ENTPD7: variants seen among roughly 807,000 people sequenced by gnomAD.
ENTPD7 encodes NTPDase 7.
In ENTPD7, 53 loss-of-function variants were observed where a neutral mutation model predicts 77.9. That is an observed-to-expected ratio of 0.68 (90% CI 0.55 to 0.85). The LOEUF (loss-of-function observed/expected upper bound fraction) is 0.85. Among genes scored for constraint, ENTPD7 ranks in the 40% least tolerant of loss-of-function variants. The probability of loss-of-function intolerance (pLI) is 0.00; values close to 1 mark genes in which losing one functional copy is unlikely to be tolerated. For synonymous variants in ENTPD7, 248 were observed against 274.9 expected (o/e 0.90, Z 0.97); for missense variants, 636 against 743.7 (o/e 0.86, Z 1.68).
At chr10:99,666,028 A>G (rs2035546018) in intron 3 of ENTPD7, among the ~76,000 whole-genome samples, 5 of 152,090 alleles carry the variant, frequency 3.3e-5, no homozygotes, top group African/African-American at 7.2e-5. Context: ...CTAATTATGG[A>G]CTTCCATGTA....
Position 99,661,427 on chromosome 10 carries a change from A to T in ENTPD7, c.9-19A>T, listed in dbSNP as rs778722422. 1.3e-6 allele frequency: 2 copies of T among 1,578,876 alleles called. No individual in the cohort carries two copies. The highest frequency in any genetic ancestry group is 4.6e-5 in the East Asian group (2 of 43,730). On this transcript the variant is annotated intron_variant, in intron 2 of 12. Coordinates refer to ENST00000370489, the MANE Select transcript of ENTPD7 (RefSeq NM_020354.5). ...GTTGTAGAAATGTTTCAGACTTACT[A>T]ATGTTTGTCTAATTTCAGGATCAGT... is the stretch of plus-strand genomic sequence containing the variant.
rs574310727 is a variant in ENTPD7 at position 99,663,967 on chromosome 10, C to CT, written c.191+2345dup. 1.2e-3 allele frequency among the ~76,000 whole-genome samples: 180 copies of CT among 151,856 alleles called. 1 individual carries two copies. Among genetic ancestry groups the CT allele is most frequent in the Non-Finnish European group, 2.1e-3 (140 of 67,924 alleles). On this transcript the variant is annotated intron_variant, in intron 3 of 12. Transcript: ENST00000370489. The stretch of plus-strand genomic sequence containing the variant: ...CACTGATGTTCATTTTTTTTCCAGT[C>CT]TTTTTTCTCTCTGTGTTTCATTCGT...
intron 4 of ENTPD7, 50 bp downstream of exon 4, chr10:99,679,516 A>G (rs1291979449): frequency 6.5e-7 from 1 of 1,537,040 alleles, no homozygotes; most frequent in Non-Finnish European, 8.7e-7. Context: ...GGCATGAAAG[A>G]GGAGACAAAA....
chr10:99,690,783 G>C (rs1282256845), intron 7 of ENTPD7, among the ~76,000 whole-genome samples: 1 of 151,834 alleles, frequency 6.6e-6, no homozygotes, highest in Non-Finnish European at 1.5e-5. Context: ...CTTGTGATCT[G>C]CCTGCCTCAG....
intron 12 of ENTPD7, 128 bp downstream of exon 12, chr10:99,702,801 C>T (rs564400345): frequency 5.2e-5 from 42 of 810,598 alleles, no homozygotes; most frequent in Non-Finnish European, 6.4e-5. Context: ...CTCTCTACCC[C>T]CTCACAAAAA....
chr10:99,672,946 T>C (rs2035634038), intron 3 of ENTPD7, among the ~76,000 whole-genome samples: 1 of 152,220 alleles, frequency 6.6e-6, no homozygotes, highest in Admixed American at 6.5e-5. Flanking sequence ...AATGGTTTGC[T>C]TAGTTACAGC....
At chr10:99,689,389 CT>C (rs1484622727) in intron 7 of ENTPD7, among the ~76,000 whole-genome samples, 1 of 152,132 alleles carries the variant, frequency 6.6e-6, no homozygotes, top group African/African-American at 2.4e-5. Context: ...CCTCACTCCC[CT>C]GCCTTTAAAA....
intron 2 of ENTPD7, 48 bp downstream of exon 2, chr10:99,660,012 C>A (rs1302121220): frequency 1.2e-6 from 2 of 1,613,382 alleles, no homozygotes; most frequent in East Asian, 4.5e-5. Context: ...CAGAGGATGG[C>A]AGGCAGGTTG....
intron 5 of ENTPD7, among the ~76,000 whole-genome samples, chr10:99,683,527 C>T (rs772698885): frequency 1.3e-5 from 2 of 152,150 alleles, no homozygotes; most frequent in Non-Finnish European, 2.9e-5. Context: ...GAGAACAGTG[C>T]AGTAAATCCC....
chr10:99,702,448 T>C, intron 11 of ENTPD7, 64 bp from the exon 12 acceptor site: 2 of 1,405,424 alleles, frequency 1.4e-6, no homozygotes, highest in African/African-American at 1.4e-5. Flanking sequence ...GAGTGGCTTA[T>C]TGCAAAGGAA....
At position 99,709,342 on chromosome 10, in the gene ENTPD7, T is replaced by C; in HGVS notation, c.*4659T>C. 1 of 985,402 alleles carries C rather than the reference T, an allele frequency of 1.0e-6. No homozygotes were observed. The allele number at this position is 985,402 out of a possible 1,614,324, so 61.0% of individuals were successfully genotyped here. A position where few individuals can be genotyped will look rare whatever the true frequency, so the allele number is the denominator to read the frequency against. The stretch of plus-strand genomic sequence containing the variant: ...CTGTGGTATGTGGTGTAATGTTGAT[T>C]GGGAATAAGAATTATGGTAGAAATA... On this transcript the variant is annotated 3_prime_UTR_variant, in exon 13 of 13. Transcript: ENST00000370489.
intron 9 of ENTPD7, among the ~76,000 whole-genome samples, chr10:99,696,681 A>T (rs2035987146): frequency 6.6e-6 from 1 of 152,206 alleles, no homozygotes; most frequent in African/African-American, 2.4e-5. Flanking sequence ...GTTAGACCTT[A>T]ATGTACAAAC....
intron 6 of ENTPD7, among the ~76,000 whole-genome samples, chr10:99,686,356 T>A (rs1438440549): frequency 6.6e-6 from 1 of 152,192 alleles, no homozygotes; most frequent in East Asian, 1.9e-4. Flanking sequence ...GTATTGATAA[T>A]TCCCTGGAAT....
At chr10:99,660,620 T>A (rs984941812) in intron 2 of ENTPD7, 6 of 228,310 alleles carry the variant, frequency 2.6e-5, no homozygotes, top group Non-Finnish European at 5.5e-5. Context: ...CCGTAGAATA[T>A]CCCTGGAAAG....
At chr10:99,676,155 A>G (rs2035678740) in intron 3 of ENTPD7, among the ~76,000 whole-genome samples, 1 of 152,194 alleles carries the variant, frequency 6.6e-6, no homozygotes, top group Non-Finnish European at 1.5e-5. Flanking sequence ...TTTGGCTACT[A>G]AAGATATTTG....
In ENTPD7 at chr10:99,709,778, T is replaced by C. The variant is rs1348443688; in HGVS notation, c.*5095T>C. The C allele has an allele frequency of 3.0e-6, 3 of 985,234 alleles. No homozygotes were observed. The highest frequency in any genetic ancestry group is 3.6e-6 in the Non-Finnish European group (3 of 829,862). The allele number at this position is 985,234 out of a possible 1,614,324, so 61.0% of individuals were successfully genotyped here. The stretch of plus-strand genomic sequence containing the variant: ...ATATCCTAATAGACTTCTCTTGTGT[T>C]ATTACACATTTCTCTTTTGCTCTAA... On this transcript the variant is annotated 3_prime_UTR_variant, in exon 13 of 13. Transcript: ENST00000370489.
chr10:99,669,342 T>C (rs1197602195), intron 3 of ENTPD7, among the ~76,000 whole-genome samples: 1 of 152,210 alleles, frequency 6.6e-6, no homozygotes, highest in Admixed American at 6.5e-5. Flanking sequence ...TGTGAACTTT[T>C]TATAGGCATT....
At chr10:99,688,539 A>G (rs1171164327) in intron 6 of ENTPD7, among the ~76,000 whole-genome samples, 155 bp from the exon 7 acceptor site, 1 of 152,256 alleles carries the variant, frequency 6.6e-6, no homozygotes, top group Non-Finnish European at 1.5e-5. Context: ...AAAAATCACA[A>G]GATGAAAGAT....
chr10:99,679,680 C>A (rs750398104), intron 4 of ENTPD7, 45 bp from the exon 5 acceptor site: 2 of 1,577,522 alleles, frequency 1.3e-6, no homozygotes, highest in Non-Finnish European at 1.7e-6. Flanking sequence ...TTATGTGAGC[C>A]GCTTTTTAAA....
Sources: gnomAD v4.1 joint callset for allele counts (sites outside exome capture counted in the v4.1 genomes callset) on GRCh38, gnomAD v4.1.1 for gene constraint, MANE v1.5 for transcripts, NCBI Gene and HGNC (gene_info 2026-07-23, HGNC 2026-07-21) for gene names.